NR1H2: variants seen among roughly 807,000 people sequenced by gnomAD.
NR1H2 encodes the protein nuclear receptor subfamily 1 group H member 2, also known as oxysterols receptor LXR-beta.
NR1H2 carries 33 observed loss-of-function variants against 51.2 expected under a neutral mutation model. The ratio of observed to expected loss-of-function variants is 0.64; its 90% CI spans 0.49 to 0.86. The LOEUF is 0.86. Ranked by LOEUF, NR1H2 falls within the 40% of genes least tolerant of loss-of-function variation. The probability of loss-of-function intolerance (pLI) is 0.00; values close to 1 mark genes in which losing one functional copy is unlikely to be tolerated. For synonymous variants in NR1H2, 310 were observed against 264.3 expected, an observed-to-expected ratio of 1.17 and a Z score of -1.68; for missense variants, 592 against 639.9, an observed-to-expected ratio of 0.93 and a Z score of 0.81.
At chr19:50,377,447 C>T (rs1290070508) in intron 2 of NR1H2, 140 bp from the exon 3 acceptor site, 1 of 618,072 alleles carries the variant, frequency 1.6e-6, no homozygotes, top group Non-Finnish European at 2.8e-6. Context: ...GGTTTGTAGG[C>T]TGGCAGGAAC....
chr19:50,376,902 G>A (rs1412101675), intron 2 of NR1H2, 76 bp downstream of exon 2: 2 of 148,792 alleles, frequency 1.3e-5, no homozygotes. Flanking sequence ...CTGCAGCGCG[G>A]TGCGGGGGCG....
In NR1H2 at chr19:50,379,775, C is replaced by T. The variant is rs117520557; in HGVS notation, c.928-5C>T. On this transcript the variant is annotated splice_region_variant and splice_polypyrimidine_tract_variant and intron_variant, in intron 7 of 9. Transcript: ENST00000253727. ...TCAAGCTCCCCCTCCCGCTGCCGCC[C>T]TTAGATCATGCTGCTAGAGACAGCC... The T allele has an allele frequency of 1.9e-3, 3,003 of 1,608,832 alleles. 7 individuals are homozygous for T. Among genetic ancestry groups the T allele is most frequent in the Non-Finnish European group, 2.2e-3 (2,547 of 1,175,214 alleles).
intron 5 of NR1H2, 35 bp downstream of exon 5, chr19:50,378,474 C>A: frequency 1.3e-6 from 2 of 1,574,406 alleles, no homozygotes. Flanking sequence ...GCCGGCCTGG[C>A]CCCCCGCCTA....
intron 4 of NR1H2, 94 bp downstream of exon 4, chr19:50,377,964 G>T: frequency 6.8e-7 from 1 of 1,475,610 alleles, no homozygotes; most frequent in Non-Finnish European, 9.0e-7. Context: ...CCTGATCTTT[G>T]CTTTTTGTTC....
At chr19:50,382,196 G>A (rs537172725) in intron 9 of NR1H2, 22 bp downstream of exon 9, 1 of 1,505,252 alleles carries the variant, frequency 6.6e-7, no homozygotes, top group Admixed American at 2.1e-5. Flanking sequence ...CAGAGCCTCT[G>A]CGCAGAGCCA....
chr19:50,380,096 G>A (rs2037741749), intron 8 of NR1H2, among the ~76,000 whole-genome samples: 1 of 152,220 alleles, frequency 6.6e-6, no homozygotes, highest in South Asian at 2.1e-4. Flanking sequence ...ATTGCTTGAG[G>A]CTATAGTGAG....
chr19:50,380,281 C>T (rs574726781), intron 8 of NR1H2, among the ~76,000 whole-genome samples: 9 of 152,294 alleles, frequency 5.9e-5, no homozygotes, highest in South Asian at 2.1e-4. Flanking sequence ...AAGCATTCCC[C>T]GCCCCCGCCA....
intron 8 of NR1H2, 116 bp from the exon 9 acceptor site, chr19:50,381,847 CAAG>C (rs571207444): frequency 7.7e-5 from 67 of 873,432 alleles, no homozygotes; most frequent in Non-Finnish European, 1.0e-4. Flanking sequence ...ACAGAAATGA[CAAG>C]AACGCTGTAA....
At chr19:50,381,415 C>G (rs902675495) in intron 8 of NR1H2, among the ~76,000 whole-genome samples, 8 of 152,244 alleles carry the variant, frequency 5.3e-5, no homozygotes, top group African/African-American at 1.4e-4. Flanking sequence ...CTGCCTGGTT[C>G]CATTGAACTC....
Position 50,378,346 on chromosome 19 carries a change from G to T in NR1H2, c.379G>T (p.Gly127Cys), listed in dbSNP as rs779934863. 6.2e-7 allele frequency: 1 copy of T among 1,612,338 alleles called. No individual in the cohort carries two copies. The highest frequency in any genetic ancestry group is 1.3e-5 in the African/African-American group (1 of 75,064). The part of the protein sequence containing the change: ...RGGARRYACR[G>C]GGTCQMDAFM... Reference sequence around the variant, plus strand: ...TGGGGCCAGGCGCTATGCCTGCCGGGGTGGCGGAACCTGCCAGATGGACGC... The same window carrying T: ...TGGGGCCAGGCGCTATGCCTGCCGGTGTGGCGGAACCTGCCAGATGGACGC... Residue 127 changes from glycine to cysteine, a missense_variant, in exon 5 of 10, where the codon GGT (glycine) becomes TGT (cysteine). Transcript: ENST00000253727.
rs1396782437 is a variant in NR1H2, at chr19:50,378,639, C to G, written c.590C>G (p.Pro197Arg). The G allele has an allele frequency of 6.2e-7, 1 of 1,614,054 alleles. No homozygotes were observed. Among genetic ancestry groups the G allele is most frequent in the Admixed American group, 1.7e-5 (1 of 60,022 alleles). Residue 197 changes from proline (P) to arginine (R), a missense_variant, in exon 6 of 10, where the codon CCT becomes CGT. Pro to Arg is a moderately radical substitution (Grantham distance 103, BLOSUM62 -2). Transcript: ENST00000253727. ...GGCAGCAGCAGCTCAGCCTCTGGGC[C>G]TGGGGCTTCCCCTGGTGGATCTGAG... ...PQGSSSSASG[P>R]GASPGGSEAG... is the part of the protein sequence containing the mutation.
chr19:50,377,520 G>A (rs2037686321), intron 2 of NR1H2, 67 bp from the exon 3 acceptor site: 1 of 1,252,856 alleles, frequency 8.0e-7, no homozygotes, highest in Non-Finnish European at 1.1e-6. Flanking sequence ...GCCCTGTCAG[G>A]ACCTGTAACT....
chr19:50,377,269 A>G, intron 2 of NR1H2: 1 of 312,850 alleles, frequency 3.2e-6, no homozygotes, highest in Non-Finnish European at 5.8e-6. Context: ...ACTACATGGC[A>G]TGGAGGCCGT....
Position 50,382,905 on chromosome 19 carries a change from A to C in NR1H2, c.*303A>C. 3.5e-6 allele frequency: 1 copy of C among 287,854 alleles called. No homozygotes were observed. The allele number at this position is 287,854 out of a possible 1,614,324, so 17.8% of individuals were successfully genotyped here. A position where few individuals can be genotyped will look rare whatever the true frequency, so the allele number is the denominator to read the frequency against. On this transcript the variant is annotated 3_prime_UTR_variant, in exon 10 of 10. Transcript: ENST00000253727. Reference sequence around the variant, plus strand: ...CTTGAACAGAGGGAGGGGAGGACCCATGGCTCTCCCCCCTAGCCCGGGAGA... The same window carrying C: ...CTTGAACAGAGGGAGGGGAGGACCCCTGGCTCTCCCCCCTAGCCCGGGAGA...
Position 50,378,631 on chromosome 19 carries a change from C to T in NR1H2, c.582C>T (p.Ala194=), listed in dbSNP as rs376976208. The T allele has an allele frequency of 4.3e-6, 7 of 1,613,996 alleles. No individual in the cohort carries two copies. The East Asian group carries it at 6.7e-5, about 15-fold the overall frequency. ...GGCCGCAGGGCAGCAGCAGCTCAGC[C>T]TCTGGGCCTGGGGCTTCCCCTGGTG... ...PVGPQGSSSS[A]SGPGASPGGS... is the part of the protein sequence containing the mutation. Residue 194 remains alanine, a synonymous_variant, in exon 6 of 10, where the codon GCC becomes GCT. Coordinates refer to ENST00000253727, the MANE Select transcript of NR1H2 (RefSeq NM_007121.7).
intron 2 of NR1H2, chr19:50,377,197 G>A (rs555434971): frequency 8.1e-4 from 154 of 191,208 alleles, no homozygotes; most frequent in Middle Eastern, 6.0e-3. Context: ...GGGTCAGAAT[G>A]AGAAATAGGG....
chr19:50,381,417 A>G (rs544043861), intron 8 of NR1H2, among the ~76,000 whole-genome samples: 2 of 152,308 alleles, frequency 1.3e-5, no homozygotes, highest in Admixed American at 6.5e-5. Flanking sequence ...GCCTGGTTCC[A>G]TTGAACTCAC....
rs1378903885 is a variant in NR1H2 at position 50,382,450 on chromosome 19, C to T, written c.1237-6C>T. 1.2e-5 allele frequency: 19 copies of T among 1,587,980 alleles called. No homozygotes were observed. The highest frequency in any genetic ancestry group is 2.3e-5 in the East Asian group (1 of 43,956). On this transcript the variant is annotated splice_polypyrimidine_tract_variant and splice_region_variant and intron_variant, in intron 9 of 9. Coordinates refer to ENST00000253727, the MANE Select transcript of NR1H2 (RefSeq NM_007121.7). The stretch of plus-strand genomic sequence containing the variant: ...TCAGCCAGCGCCCACCTGCCTCCTC[C>T]CTCAGGACCAGCTGCGCTTCCCGCG...
At position 50,377,657 on chromosome 19, in the gene NR1H2, C is replaced by A; in HGVS notation, c.43+9C>A. The A allele has an allele frequency of 6.2e-7, 1 of 1,613,240 alleles. No individual in the cohort carries two copies. ...GGATACCCCCCTGCCTGGTGAGTGACTCTCTTCCCCACCCAGCCCTTATCA... is the reference window on the plus strand; with the variant it reads ...GGATACCCCCCTGCCTGGTGAGTGAATCTCTTCCCCACCCAGCCCTTATCA... On this transcript the variant is annotated intron_variant, in intron 3 of 9. Transcript: ENST00000253727.
Sources: gnomAD v4.1 joint callset for allele counts (sites outside exome capture counted in the v4.1 genomes callset) on GRCh38, gnomAD v4.1.1 for gene constraint, MANE v1.5 for transcripts, NCBI Gene and HGNC (gene_info 2026-07-23, HGNC 2026-07-21) for gene names.